Variants in XPO1 observed in about 807,000 individuals in gnomAD.
XPO1 encodes exportin 1.
XPO1 carries 5 observed loss-of-function variants against 133.3 expected under a neutral mutation model. The observed-to-expected ratio is 0.04, with a 90% CI of 0.02 to 0.08. The LOEUF (loss-of-function observed/expected upper bound fraction) is 0.08, where lower values mean the gene tolerates loss of function less well. XPO1 is among the 10% of genes least tolerant of loss of function. The pLI, the probability that XPO1 is intolerant of heterozygous loss-of-function variation, is 1.00. For missense variants in XPO1, 506 were observed against 1,267.5 expected (o/e 0.40, Z 9.12); for synonymous variants, 419 against 408.2 (o/e 1.03, Z -0.32).
chr2:61,496,593 A>C (rs1697253308), intron 10 of XPO1, among the ~76,000 whole-genome samples: 1 of 152,208 alleles, frequency 6.6e-6, no homozygotes, highest in African/African-American at 2.4e-5. Context: ...CTTCAGACAC[A>C]ATGTTAGGAA....
chr2:61,529,275 A>T (rs957202023), intron 2 of XPO1, among the ~76,000 whole-genome samples: 2 of 152,264 alleles, frequency 1.3e-5, no homozygotes, highest in African/African-American at 4.8e-5. Context: ...AAAGCATCAA[A>T]AACAGGGTAG....
chr2:61,488,437 G>T, intron 18 of XPO1, 151 bp downstream of exon 18: 1 of 1,133,430 alleles, frequency 8.8e-7, no homozygotes, highest in Non-Finnish European at 1.3e-6. Context: ...AAAGGGAAAG[G>T]TACACTTAAC....
chr2:61,488,364 A>G (rs1212793637), intron 18 of XPO1, 93 bp from the exon 19 acceptor site: 5 of 1,344,114 alleles, frequency 3.7e-6, no homozygotes, highest in East Asian at 2.3e-5. Context: ...TTTTACCATT[A>G]AAAAGTTTAA....
intron 4 of XPO1, among the ~76,000 whole-genome samples, chr2:61,503,631 A>G (rs1573159631): frequency 6.6e-6 from 1 of 151,850 alleles, no homozygotes; most frequent in Non-Finnish European, 1.5e-5. Flanking sequence ...TCACCGTGTT[A>G]GCCAGGATGG....
At position 61,522,278 on chromosome 2, in the gene XPO1, A is replaced by T. The variant is rs542601008; in HGVS notation, c.301+333T>A. ...TGCTATACTGCCTAGGCTGGTATAG[A>T]ACTCCCAGACTCAAGCGATCTACTT... On this transcript the variant is annotated intron_variant, in intron 4 of 24. Transcript: ENST00000401558. Among the ~76,000 whole-genome samples the T allele has an allele frequency of 2.0e-5, 3 of 152,202 alleles. No homozygotes were observed. In the South Asian group the frequency reaches 6.2e-4, roughly 32 times the overall value.
At chr2:61,503,749 TAG>T (rs1697661878) in intron 4 of XPO1, among the ~76,000 whole-genome samples, 2 of 152,146 alleles carry the variant, frequency 1.3e-5, no homozygotes, top group South Asian at 4.1e-4. Context: ...TGTATTTTTA[TAG>T]AGACATGTTT....
rs1388121331 is a variant in XPO1 at position 61,499,876 on chromosome 2, G to C, written c.427C>G (p.Pro143Ala). ...ILVQILKQEW[P>A]KHWPTFISDI... ...CTGATAAAAGTTGGCCAATGTTTGG[G>C]CCATTCTTGTTTCAGTATCTAAAAC... Residue 143 changes from proline to alanine, a missense_variant, in exon 7 of 25, where the codon CCC (proline) becomes GCC (alanine). This residue lies in a region of XPO1 where 68 missense variants were observed against 210.5 expected (regional missense o/e 0.32). Coordinates refer to ENST00000401558, the MANE Select transcript of XPO1 (RefSeq NM_003400.4). The C allele has an allele frequency of 6.2e-7, 1 of 1,608,458 alleles. No homozygotes were observed. Among genetic ancestry groups the C allele is most frequent in the Non-Finnish European group, 8.5e-7 (1 of 1,178,786 alleles).
intron 24 of XPO1, 65 bp from the exon 25 acceptor site, chr2:61,479,031 G>T: frequency 6.4e-7 from 1 of 1,561,752 alleles, no homozygotes. Flanking sequence ...AGAAATCATA[G>T]ATGAGCAATT....
At chr2:61,483,371 G>T in intron 21 of XPO1, 1 of 314,622 alleles carries the variant, frequency 3.2e-6, no homozygotes, top group Non-Finnish European at 5.9e-6. Flanking sequence ...TGTGGGGAAG[G>T]GCAGGAGTGG....
chr2:61,482,033 C>CTGTTTTTTTTT (rs1491506588), intron 23 of XPO1, among the ~76,000 whole-genome samples: 1 of 86,820 alleles, frequency 1.2e-5, no homozygotes, highest in East Asian at 3.7e-4. Context: ...CCGTGCGTGG[C>CTGTTTTTTTTT]CTTTTTTTTT....
intron 2 of XPO1, among the ~76,000 whole-genome samples, chr2:61,531,196 A>G (rs1699139833): frequency 6.6e-6 from 1 of 152,238 alleles, no homozygotes; most frequent in African/African-American, 2.4e-5. Flanking sequence ...TAGAGACCAA[A>G]AGGACTCCTT....
chr2:61,493,252 G>C, intron 12 of XPO1, 199 bp from the exon 13 acceptor site: 2 of 452,024 alleles, frequency 4.4e-6, no homozygotes, highest in Non-Finnish European at 7.6e-6. Flanking sequence ...AGCAGCTTGA[G>C]CAACACAAAA....
intron 4 of XPO1, among the ~76,000 whole-genome samples, chr2:61,503,960 G>A (rs545507765): frequency 6.6e-6 from 1 of 152,256 alleles, no homozygotes; most frequent in South Asian, 2.1e-4. Context: ...CCGGTGGATC[G>A]CTTGAGGCCT....
chr2:61,535,794 C>A (rs1699333944), intron 1 of XPO1, among the ~76,000 whole-genome samples: 2 of 151,998 alleles, frequency 1.3e-5, no homozygotes, highest in South Asian at 2.1e-4. Context: ...TTGTTACACA[C>A]CACAAAAAAA....
intron 4 of XPO1, among the ~76,000 whole-genome samples, chr2:61,510,894 C>T (rs574181045): frequency 6.0e-5 from 9 of 150,508 alleles, no homozygotes; most frequent in African/African-American, 2.2e-4. Context: ...GCCATGATCC[C>T]GCCACTGCAC....
In XPO1 at chr2:61,482,432, G is replaced by T; in HGVS notation, c.2920C>A (p.Leu974Ile). Residue 974 changes from leucine to isoleucine, a missense_variant, in exon 23 of 25, where the codon CTT becomes ATT. Physicochemically the swap from Leu to Ile is conservative, Grantham distance 5 (BLOSUM62 2). Transcript: ENST00000401558. ...AGGAGATTAGCCACATATTCCTGAA[G>T]AAAGATTTGGTTGTTAACTGGATTT... is the stretch of plus-strand genomic sequence containing the variant. Reference protein sequence around the residue: ...PGNPVNNQIFLQEYVANLLKS... With the variant: ...PGNPVNNQIFIQEYVANLLKS... 1 of 1,613,292 alleles carries T rather than the reference G, an allele frequency of 6.2e-7. No individual in the cohort carries two copies. Among genetic ancestry groups the T allele is most frequent in the Non-Finnish European group, 8.5e-7 (1 of 1,179,758 alleles).
At chr2:61,516,210 C>A (rs1698382485) in intron 4 of XPO1, among the ~76,000 whole-genome samples, 1 of 150,232 alleles carries the variant, frequency 6.7e-6, no homozygotes, top group African/African-American at 2.4e-5. Context: ...GAGGCTGAGG[C>A]AGGAGAATAG....
chr2:61,486,064 A>C (rs1471904799), intron 19 of XPO1, 102 bp from the exon 20 acceptor site: 7 of 1,028,058 alleles, frequency 6.8e-6, no homozygotes, highest in Non-Finnish European at 9.5e-6. Context: ...ATGATCATCT[A>C]CTGAAAACAG....
chr2:61,491,459 A>ACACAC (rs1696983059), intron 16 of XPO1, among the ~76,000 whole-genome samples: 10 of 142,908 alleles, frequency 7.0e-5, no homozygotes, highest in African/African-American at 1.3e-4. Context: ...TCAAAAAACA[A>ACACAC]ACACACACAC....
Sources: gnomAD v4.1 joint callset for allele counts (sites outside exome capture counted in the v4.1 genomes callset) on GRCh38, gnomAD v4.1.1 for gene constraint, gnomAD v4.1.1 regional missense constraint, MANE v1.5 for transcripts, NCBI Gene and HGNC (gene_info 2026-07-23, HGNC 2026-07-21) for gene names.